Variants in MACROD1 observed in about 807,000 individuals in gnomAD.
MACROD1 encodes mono-ADP ribosylhydrolase 1.
A neutral mutation model predicts 41.4 loss-of-function variants in MACROD1; 31 were observed. The ratio of observed to expected loss-of-function variants is 0.75; its 90% CI spans 0.56 to 1.01. The LOEUF is 1.01. MACROD1 is among the 50% of genes least tolerant of loss of function. The pLI is 0.00. For missense variants in MACROD1, 473 were observed against 460.0 expected, an observed-to-expected ratio of 1.03 and a Z score of -0.26; for synonymous variants, 252 against 203.4, an observed-to-expected ratio of 1.24 and a Z score of -2.03.
At chr11:64,039,224 G>A (rs112122904) in intron 3 of MACROD1, among the ~76,000 whole-genome samples, 8 of 152,258 alleles carry the variant, frequency 5.3e-5, no homozygotes, top group Non-Finnish European at 7.4e-5. Flanking sequence ...GTGAGCGAGC[G>A]TGGGTGGACA....
intron 1 of MACROD1, among the ~76,000 whole-genome samples, chr11:64,160,668 T>C (rs140209254): frequency 4.0e-5 from 6 of 151,824 alleles, no homozygotes; most frequent in East Asian, 1.9e-4. Context: ...TTAAAAACAT[T>C]AGCCAGGCAT....
chr11:64,129,655 C>T (rs543560099), intron 3 of MACROD1, among the ~76,000 whole-genome samples: 3 of 152,290 alleles, frequency 2.0e-5, no homozygotes, highest in East Asian at 3.9e-4. Flanking sequence ...CCCCCAGGTC[C>T]AGCACAGAGA....
intron 3 of MACROD1, among the ~76,000 whole-genome samples, chr11:64,034,038 G>A (rs761395759): frequency 2.6e-5 from 4 of 152,194 alleles, no homozygotes; most frequent in Admixed American, 6.5e-5. Flanking sequence ...ATTCCACTGC[G>A]AGGCATTGAG....
In MACROD1 at chr11:64,036,760, C is replaced by T. The variant is rs914933027; in HGVS notation, c.518-21479G>A. Among the ~76,000 whole-genome samples the T allele has an allele frequency of 6.6e-6, 1 of 152,330 alleles. No individual in the cohort carries two copies. The highest frequency in any genetic ancestry group is 1.9e-4 in the East Asian group (1 of 5,174). Reference sequence around the variant, plus strand: ...GCCGGGCGGGGGCTGGGGCCGTACACCTGGCGGCTGGAACGGTGAGACCAT... The same window carrying T: ...GCCGGGCGGGGGCTGGGGCCGTACATCTGGCGGCTGGAACGGTGAGACCAT... On this transcript the variant is annotated intron_variant, in intron 3 of 10. Coordinates refer to ENST00000255681, the MANE Select transcript of MACROD1 (RefSeq NM_014067.4). This position sits in a 1 kb window ranked among gnomAD's most constrained non-coding sequence, Gnocchi z 5.6.
rs1287172763 is a variant in MACROD1, at chr11:64,036,850, G to T, written c.518-21569C>A. ...AGCTCTCAAGACAAGGAGGCGGCCC[G>T]ACCCGGCGGCGCACGCCCCTCCTCG... On this transcript the variant is annotated intron_variant, in intron 3 of 10. Coordinates refer to ENST00000255681, the MANE Select transcript of MACROD1 (RefSeq NM_014067.4). This position sits in a 1 kb window ranked among gnomAD's most constrained non-coding sequence, Gnocchi z 5.6. 6.6e-6 allele frequency among the ~76,000 whole-genome samples: 1 copy of T among 152,150 alleles called. No homozygotes were observed. The highest frequency in any genetic ancestry group is 2.1e-4 in the South Asian group (1 of 4,830).
chr11:64,005,880 G>A (rs988333243), intron 4 of MACROD1, among the ~76,000 whole-genome samples: 2 of 152,210 alleles, frequency 1.3e-5, no homozygotes, highest in South Asian at 2.1e-4. Context: ...GGAGGGGTGT[G>A]TCTCCCCTCC....
chr11:64,021,933 C>G (rs7127558), intron 3 of MACROD1, among the ~76,000 whole-genome samples: 2,350 of 5,422 alleles, frequency 0.43, 313 homozygotes, highest in African/African-American at 0.54. Context: ...GGCAGGGGGC[C>G]GGGGGGGGGG....
chr11:64,134,474 G>A (rs762644859), intron 3 of MACROD1, among the ~76,000 whole-genome samples: 26 of 152,206 alleles, frequency 1.7e-4, no homozygotes, highest in Non-Finnish European at 5.9e-5. Flanking sequence ...CAGGGAGGAG[G>A]GAAAGCAAAG....
At chr11:64,080,599 G>A (rs1040648106) in intron 3 of MACROD1, among the ~76,000 whole-genome samples, 1 of 152,314 alleles carries the variant, frequency 6.6e-6, no homozygotes, top group Middle Eastern at 3.4e-3. Context: ...CAACACGTAG[G>A]CGTTCAGCAA....
At chr11:64,152,445 G>A (rs1007904847) in intron 1 of MACROD1, 52 bp from the exon 2 acceptor site, 1 of 1,390,472 alleles carries the variant, frequency 7.2e-7, no homozygotes, top group Non-Finnish European at 1.0e-6. Context: ...CGGGCCTGGG[G>A]CTTGCACCCC....
At chr11:64,091,921 C>A (rs950470879) in intron 3 of MACROD1, among the ~76,000 whole-genome samples, 3 of 152,212 alleles carry the variant, frequency 2.0e-5, no homozygotes, top group Non-Finnish European at 4.4e-5. Flanking sequence ...CCCGAGGCCT[C>A]TCTCTGGGGC....
At chr11:64,065,748 C>T (rs1333666951) in intron 3 of MACROD1, among the ~76,000 whole-genome samples, 2 of 149,548 alleles carry the variant, frequency 1.3e-5, no homozygotes, top group Non-Finnish European at 1.5e-5. Flanking sequence ...TGAGATGGCG[C>T]CACTGCACTC....
chr11:64,021,105 C>G (rs1224547907), intron 3 of MACROD1, among the ~76,000 whole-genome samples: 1 of 152,236 alleles, frequency 6.6e-6, no homozygotes, highest in African/African-American at 2.4e-5. Flanking sequence ...GCCTGGCTCA[C>G]AGCAGGTGCC....
chr11:64,141,009 C>T (rs536535596), intron 3 of MACROD1, among the ~76,000 whole-genome samples: 15 of 152,312 alleles, frequency 9.8e-5, no homozygotes, highest in Admixed American at 6.5e-4. Flanking sequence ...GTTGCATGAG[C>T]CTGTGGTCCC....
intron 3 of MACROD1, among the ~76,000 whole-genome samples, chr11:64,114,839 T>C (rs1944947107): frequency 6.6e-6 from 1 of 152,180 alleles, no homozygotes; most frequent in South Asian, 2.1e-4. Flanking sequence ...GGAAGCTTTA[T>C]CTGGGGCCTC....
Position 64,051,699 on chromosome 11 carries a change from G to A in MACROD1, c.518-36418C>T, listed in dbSNP as rs148793108. Among the ~76,000 whole-genome samples, 22 of 152,288 alleles carry A rather than the reference G, an allele frequency of 1.4e-4. No homozygotes were observed. The East Asian group carries it at 4.1e-3, about 28-fold the overall frequency. ...CCCGGAGCTTATAGGGGCAGGGGCC[G>A]AGGTTGGTGAGCTCCTCCCTGAACA... is the stretch of plus-strand genomic sequence containing the variant. On this transcript the variant is annotated intron_variant, in intron 3 of 10. Transcript: ENST00000255681.
rs547601412 is a variant in MACROD1 at position 64,000,183 on chromosome 11, C to T, written c.664+44G>A. 6 of 1,502,572 alleles carry T rather than the reference C, an allele frequency of 4.0e-6. No individual in the cohort carries two copies. In the South Asian group the frequency reaches 5.8e-5, roughly 15 times the overall value. The allele number at this position is 1,502,572 out of a possible 1,614,324, so 93.1% of individuals were successfully genotyped here. A position where few individuals can be genotyped will look rare whatever the true frequency, so the allele number is the denominator to read the frequency against. ...CCCTGATGTCCCAGTGACACACGGG[C>T]GCCCTGTCTGCGCCCCACAGCTGGG... is the stretch of plus-strand genomic sequence containing the variant. On this transcript the variant is annotated intron_variant, in intron 5 of 10. Coordinates refer to ENST00000255681, the MANE Select transcript of MACROD1 (RefSeq NM_014067.4).
chr11:64,014,636 G>A (rs1475257952), intron 4 of MACROD1, among the ~76,000 whole-genome samples: 1 of 152,196 alleles, frequency 6.6e-6, no homozygotes, highest in Admixed American at 6.5e-5. Context: ...CCCTAGGTGG[G>A]CTGGCCATGG....
chr11:64,102,595 A>G (rs986062448), intron 3 of MACROD1, among the ~76,000 whole-genome samples: 5 of 152,212 alleles, frequency 3.3e-5, no homozygotes, highest in South Asian at 2.1e-4. Context: ...CTGCACGGCC[A>G]GGAGCTCGAA....
Sources: gnomAD v4.1 joint callset for allele counts (sites outside exome capture counted in the v4.1 genomes callset) on GRCh38, gnomAD v4.1.1 for gene constraint, Gnocchi (gnomAD v3.1) non-coding constraint, MANE v1.5 for transcripts, NCBI Gene and HGNC (gene_info 2026-07-23, HGNC 2026-07-21) for gene names.